Variants in MYO3A observed in about 807,000 individuals in gnomAD.
MYO3A encodes the protein myosin-IIIa.
MYO3A carries 180 observed loss-of-function variants against 192.7 expected under a neutral mutation model. The observed-to-expected ratio is 0.93, with a 90% CI of 0.83 to 1.06. MYO3A has a LOEUF of 1.06. MYO3A is among the 50% of genes least tolerant of loss of function. The probability of loss-of-function intolerance (pLI) is 0.00; values close to 1 mark genes in which losing one functional copy is unlikely to be tolerated. For synonymous variants in MYO3A, 628 were observed against 645.3 expected (o/e 0.97, Z 0.41); for missense variants, 1,896 against 1,905.0 (o/e 1.00, Z 0.09).
intron 18 of MYO3A, 69 bp from the exon 19 acceptor site, chr10:26,125,329 C>A (rs994627355): frequency 1.4e-6 from 2 of 1,388,676 alleles, no homozygotes; most frequent in Non-Finnish European, 2.0e-6. Flanking sequence ...CAGATTAAGA[C>A]ATTTTCATTT....
chr10:25,951,328 C>T (rs1448824889), intron 2 of MYO3A, among the ~76,000 whole-genome samples: 1 of 152,088 alleles, frequency 6.6e-6, no homozygotes, highest in African/African-American at 2.4e-5. Context: ...TGTCAGATAA[C>T]AGCAGCGTAG....
intron 4 of MYO3A, among the ~76,000 whole-genome samples, chr10:25,970,913 A>G (rs1838600945): frequency 6.6e-6 from 1 of 152,002 alleles, no homozygotes; most frequent in Admixed American, 6.6e-5. Flanking sequence ...AATAAAAGAA[A>G]CTTAATAATT....
At chr10:26,073,211 A>G (rs961680858) in intron 14 of MYO3A, among the ~76,000 whole-genome samples, 1 of 152,154 alleles carries the variant, frequency 6.6e-6, no homozygotes. Flanking sequence ...GTGACAGAAC[A>G]AGACCCTGTC....
intron 31 of MYO3A, among the ~76,000 whole-genome samples, chr10:26,185,428 C>T (rs1219134960): frequency 6.7e-6 from 1 of 150,260 alleles, no homozygotes; most frequent in East Asian, 1.9e-4. Flanking sequence ...CAACCTCTGC[C>T]CCCCAGGTTC....
At chr10:26,201,602 C>T (rs1399975398) in intron 33 of MYO3A, among the ~76,000 whole-genome samples, 4 of 151,120 alleles carry the variant, frequency 2.6e-5, no homozygotes, top group South Asian at 2.1e-4. Flanking sequence ...AGGAGAATGG[C>T]GTGAACCCGG....
rs77768737 is a variant in MYO3A at position 26,185,135 on chromosome 10, C to T, written c.4439-8070C>T. On this transcript the variant is annotated intron_variant, in intron 31 of 34. Coordinates refer to ENST00000642920, the MANE Select transcript of MYO3A (RefSeq NM_017433.5). Reference sequence around the variant, plus strand: ...ATTGCAATATCTTAAGTGAGACACCCCTTAAGACTAGTCAGCCCTCTGGCT... The same window carrying T: ...ATTGCAATATCTTAAGTGAGACACCTCTTAAGACTAGTCAGCCCTCTGGCT... Among the ~76,000 whole-genome samples, 657 of 152,164 alleles carry T rather than the reference C, an allele frequency of 4.3e-3. 1 individual carries two copies. Among genetic ancestry groups the T allele is most frequent in the Non-Finnish European group, 6.4e-3 (437 of 68,002 alleles).
chr10:26,159,721 T>A (rs1351267930), intron 26 of MYO3A, among the ~76,000 whole-genome samples: 1 of 152,178 alleles, frequency 6.6e-6, no homozygotes, highest in African/African-American at 2.4e-5. Flanking sequence ...TTATTTGGAA[T>A]GCTTTGAAAT....
At chr10:26,060,595 T>C (rs1834406233) in intron 10 of MYO3A, among the ~76,000 whole-genome samples, 1 of 152,194 alleles carries the variant, frequency 6.6e-6, no homozygotes, top group South Asian at 2.1e-4. Context: ...ACAATTCTAA[T>C]ATATGGCACT....
chr10:26,019,609 C>T (rs1564465838), intron 7 of MYO3A, among the ~76,000 whole-genome samples: 1 of 152,216 alleles, frequency 6.6e-6, no homozygotes, highest in Non-Finnish European at 1.5e-5. Context: ...AGCCACTGTA[C>T]CTGGCCTGGG....
chr10:26,108,790 GGA>G (rs1276021863), intron 17 of MYO3A, among the ~76,000 whole-genome samples: 1 of 152,156 alleles, frequency 6.6e-6, no homozygotes, highest in East Asian at 1.9e-4. Context: ...CAGGAGGTGG[GGA>G]CTGGGGAATG....
intron 4 of MYO3A, among the ~76,000 whole-genome samples, chr10:25,981,460 G>A (rs1839324408): frequency 6.6e-6 from 1 of 152,110 alleles, no homozygotes; most frequent in Non-Finnish European, 1.5e-5. Flanking sequence ...GATCAATTTA[G>A]AGCTTCTGCT....
chr10:25,934,641 G>A lies in MYO3A; in HGVS notation c.-105+313G>A, dbSNP rs192556453. Among the ~76,000 whole-genome samples, 1,116 of 147,380 alleles carry A rather than the reference G, an allele frequency of 7.6e-3. 8 individuals carry two copies. Among genetic ancestry groups the A allele is most frequent in the Non-Finnish European group, 0.012 (769 of 66,714 alleles). On this transcript the variant is annotated intron_variant, in intron 1 of 34. Transcript: ENST00000642920. ...GGAGGAGAGGGATGAACTTGAGGGG[G>A]AAACGGGGGCGGGGGTGAACTCGAG...
intron 17 of MYO3A, among the ~76,000 whole-genome samples, chr10:26,099,992 G>C (rs180957716): frequency 6.6e-6 from 1 of 152,280 alleles, no homozygotes; most frequent in East Asian, 1.9e-4. Flanking sequence ...AATGGTACCA[G>C]CTCCTCTTTG....
chr10:26,015,224 C>T (rs1203183303), intron 6 of MYO3A, among the ~76,000 whole-genome samples: 2 of 152,008 alleles, frequency 1.3e-5, no homozygotes, highest in Non-Finnish European at 2.9e-5. Flanking sequence ...CCTTTTTGAC[C>T]TCTTTTTCCT....
At chr10:26,135,577 G>T (rs1025521799) in intron 20 of MYO3A, among the ~76,000 whole-genome samples, 1 of 152,002 alleles carries the variant, frequency 6.6e-6, no homozygotes, top group South Asian at 2.1e-4. Flanking sequence ...AGAACTAGAA[G>T]GTGGAACAAC....
intron 25 of MYO3A, 57 bp from the exon 26 acceptor site, chr10:26,157,253 A>C: frequency 6.6e-7 from 1 of 1,505,276 alleles, no homozygotes; most frequent in South Asian, 1.1e-5. Flanking sequence ...AAAGGCCTAC[A>C]AGCTCATACG....
At chr10:26,065,291 A>C (rs1348610533) in intron 10 of MYO3A, among the ~76,000 whole-genome samples, 2 of 152,188 alleles carry the variant, frequency 1.3e-5, no homozygotes, top group East Asian at 3.9e-4. Flanking sequence ...AGCCTGAAGA[A>C]ACTAAGTATA....
intron 17 of MYO3A, among the ~76,000 whole-genome samples, chr10:26,106,210 G>A (rs908732657): frequency 2.6e-5 from 4 of 151,866 alleles, no homozygotes; most frequent in Admixed American, 6.6e-5. Flanking sequence ...TTAATTTTTG[G>A]AGCACTGTGA....
At chr10:25,986,425 T>C (rs1284899816) in intron 4 of MYO3A, among the ~76,000 whole-genome samples, 1 of 152,216 alleles carries the variant, frequency 6.6e-6, no homozygotes, top group Non-Finnish European at 1.5e-5. Context: ...TGTCACTCTT[T>C]GCTGATGATA....
Sources: gnomAD v4.1 joint callset for allele counts (sites outside exome capture counted in the v4.1 genomes callset) on GRCh38, gnomAD v4.1.1 for gene constraint, MANE v1.5 for transcripts, NCBI Gene and HGNC (gene_info 2026-07-23, HGNC 2026-07-21) for gene names.